The following C15orf39 variants were observed in gnomAD, a reference collection of about 807,000 sequenced individuals.
C15orf39 encodes uncharacterized protein C15orf39.
Under a neutral mutation model 53.9 loss-of-function variants are expected in C15orf39, and 24 were observed. The ratio of observed to expected loss-of-function variants is 0.45; its 90% CI spans 0.32 to 0.63. The LOEUF is 0.63. Among genes scored for constraint, C15orf39 ranks in the 20% least tolerant of loss-of-function variants. C15orf39 has a pLI of 0.04. For synonymous variants in C15orf39, 569 were observed against 576.5 expected (o/e 0.99, Z 0.19); for missense variants, 1,271 against 1,347.9 (o/e 0.94, Z 0.89).
chr15:75,208,875 A>C, intron 2 of C15orf39, 51 bp downstream of exon 2: 1 of 1,546,616 alleles, frequency 6.5e-7, no homozygotes. Context: ...AGCAAGTGAC[A>C]GGTGTGTGTG....
chr15:75,204,466 TTTTTCTTTTC>T lies in C15orf39; in HGVS notation c.-50-1518_-50-1509del, dbSNP rs537607946. Among the ~76,000 whole-genome samples, 7 of 152,262 alleles carry T rather than the reference TTTTTCTTTTC, an allele frequency of 4.6e-5. No individual in the cohort carries two copies. The South Asian group carries it at 8.3e-4, about 18-fold the overall frequency. On this transcript the variant is annotated intron_variant, in intron 1 of 2. Transcript: ENST00000394987. ...CCCCTGGGGCCTCCCTCCCTGGACTTTTTTCTTTTCTTTTCTTTTCTTTTTTTTTGTTTTG... is the reference window on the plus strand; with the variant it reads ...CCCCTGGGGCCTCCCTCCCTGGACTTTTTTCTTTTCTTTTTTTTTGTTTTG...
Position 75,207,936 on chromosome 15 carries a change from G to C in C15orf39, c.1888G>C (p.Gly630Arg). ...KIDTEAPGLP[G>R]VPVTTDAMPR... is the part of the protein sequence containing the mutation. ...AGACACAGAAGCACCAGGCTTGCCT[G>C]GGGTGCCAGTGACCACAGATGCCAT... is the stretch of plus-strand genomic sequence containing the variant. The change falls in exon 2 of 3, where the codon GGG becomes CGG. Residue 630 changes from glycine (G) to arginine (R), a missense_variant. Gly to Arg is a moderately radical substitution (Grantham distance 125). This residue lies in a region of C15orf39 where 994 missense variants were observed against 993.7 expected (regional missense o/e 1.00). Coordinates refer to ENST00000394987, the MANE Select transcript of C15orf39 (RefSeq NM_015492.5). The C allele has an allele frequency of 6.2e-7, 1 of 1,613,826 alleles. No individual in the cohort carries two copies. The highest frequency in any genetic ancestry group is 1.3e-5 in the African/African-American group (1 of 75,062).
At chr15:75,202,460 C>T (rs998061467) in intron 1 of C15orf39, 1 of 152,656 alleles carries the variant, frequency 6.6e-6, no homozygotes, top group Non-Finnish European at 1.5e-5. Context: ...AGGGCTGGGC[C>T]TGGGGGCGCC....
rs376232289 is a variant in C15orf39, at chr15:75,208,395, G to T, written c.2347G>T (p.Ala783Ser). 1 of 1,603,964 alleles carries T rather than the reference G, an allele frequency of 6.2e-7. No individual in the cohort carries two copies. ...SLCDAISGSV[A>S]HSPPEKLREW... is the part of the protein sequence containing the mutation. The stretch of plus-strand genomic sequence containing the variant: ...GTGTGATGCTATTTCTGGCTCCGTC[G>T]CCCACTCTCCTCCAGAGAAGCTTCG... The change falls in exon 2 of 3, where the codon GCC (alanine) becomes TCC (serine). Residue 783 changes from alanine to serine, a missense_variant. By Grantham distance (99) the Ala-to-Ser change is moderately conservative. Around this residue, in one of 2 missense-constraint regions of C15orf39, gnomAD observed 994 missense variants for 993.7 expected, o/e 1.00. Coordinates refer to ENST00000394987, the MANE Select transcript of C15orf39 (RefSeq NM_015492.5).
rs2070438856 is a variant in C15orf39, at chr15:75,206,426, A to ACTG, written c.379_381dup (p.Leu127dup). The ACTG allele has an allele frequency of 6.2e-7, 1 of 1,613,762 alleles. No individual in the cohort carries two copies. The highest frequency in any genetic ancestry group is 8.5e-7 in the Non-Finnish European group (1 of 1,179,902). ...AGGCTCACTCCTACCCAGGCCCACC[A>ACTG]CTGGCAGCACCCAAACCTGTCTACC... is the stretch of plus-strand genomic sequence containing the variant. On this transcript the variant is annotated inframe_insertion, in exon 2 of 3. Coordinates refer to ENST00000394987, the MANE Select transcript of C15orf39 (RefSeq NM_015492.5).
chr15:75,201,650 G>C (rs1027438446), upstream of C15orf39, among the ~76,000 whole-genome samples: 1 of 152,254 alleles, frequency 6.6e-6, no homozygotes, highest in Non-Finnish European at 1.5e-5. The surrounding 1 kb of genome is among the most constrained non-coding windows in gnomAD (Gnocchi z 4.7). Flanking sequence ...AACGATCTAA[G>C]GGAGCGACTG....
Position 75,208,557 on chromosome 15 carries a change from G to A in C15orf39, c.2509G>A (p.Val837Met). ...RTHRCPFPHV[V>M]RAGAIFVPIH... ...CCACCGGTGCCCCTTCCCCCATGTG[G>A]TGCGAGCTGGCGCCATCTTCGTGCC... Residue 837 changes from valine (V) to methionine (M), a missense_variant, in exon 2 of 3, where the codon GTG becomes ATG. Val to Met is a conservative substitution (Grantham distance 21). Around this residue, in one of 2 missense-constraint regions of C15orf39, gnomAD observed 277 missense variants for 354.1 expected, o/e 0.78. Coordinates refer to ENST00000394987, the MANE Select transcript of C15orf39 (RefSeq NM_015492.5). 2 of 1,572,884 alleles carry A rather than the reference G, an allele frequency of 1.3e-6. No homozygotes were observed. Among genetic ancestry groups the A allele is most frequent in the Non-Finnish European group, 1.7e-6 (2 of 1,160,054 alleles).
In C15orf39 at chr15:75,203,114, C is replaced by T. The variant is rs77561382; in HGVS notation, c.-51+1055C>T. ...CTCGGCGAGGCCCGATCCAGCCCTC[C>T]GGGAGAATCCAGATGCTGGCCACAA... is the stretch of plus-strand genomic sequence containing the variant. On this transcript the variant is annotated intron_variant, in intron 1 of 2. Coordinates refer to ENST00000394987, the MANE Select transcript of C15orf39 (RefSeq NM_015492.5). Among the ~76,000 whole-genome samples the T allele has an allele frequency of 4.1e-3, 619 of 152,354 alleles. 3 individuals are homozygous for T. The highest frequency in any genetic ancestry group is 0.027 in the Middle Eastern group (8 of 294).
Position 75,207,538 on chromosome 15 carries a change from C to G in C15orf39, c.1490C>G (p.Ser497Cys), listed in dbSNP as rs1442860124. 6.2e-7 allele frequency: 1 copy of G among 1,613,606 alleles called. No homozygotes were observed. The highest frequency in any genetic ancestry group is 8.5e-7 in the Non-Finnish European group (1 of 1,179,996). Residue 497 changes from serine (S) to cysteine (C), a missense_variant, in exon 2 of 3, where the codon TCT becomes TGT. Ser to Cys is a moderately radical substitution (Grantham distance 112). This residue lies in a region of C15orf39 where 994 missense variants were observed against 993.7 expected (regional missense o/e 1.00). Transcript: ENST00000394987. The part of the protein sequence containing the change: ...PQKEGARPPS[S>C]PPMPVIDNVF... ...AAGGAGGGCGCAAGGCCACCCAGCT[C>G]TCCACCAATGCCTGTCATTGACAAT...
In C15orf39 at chr15:75,206,364, G is replaced by T. The variant is rs771283251; in HGVS notation, c.316G>T (p.Asp106Tyr). Reference sequence around the variant, plus strand: ...AGCAGAAGGCCCTGAGAAGATGCAGGACTCCAGCCCTGTTGAGCTCCTGCC... The same window carrying T: ...AGCAGAAGGCCCTGAGAAGATGCAGTACTCCAGCCCTGTTGAGCTCCTGCC... ...SPAEGPEKMQ[D>Y]SSPVELLPFS... Residue 106 changes from aspartate to tyrosine, a missense_variant, in exon 2 of 3, where the codon GAC (aspartate) becomes TAC (tyrosine). By Grantham distance (160) the Asp-to-Tyr change is radical. Around this residue, in one of 2 missense-constraint regions of C15orf39, gnomAD observed 994 missense variants for 993.7 expected, o/e 1.00. Transcript: ENST00000394987. The T allele has an allele frequency of 6.2e-7, 1 of 1,614,022 alleles. No individual in the cohort carries two copies. The highest frequency in any genetic ancestry group is 2.2e-5 in the East Asian group (1 of 44,880).
At chr15:75,209,575 CG>C (rs1555422925) in intron 2 of C15orf39, 1 of 152,222 alleles carries the variant, frequency 6.6e-6, no homozygotes, top group Non-Finnish European at 1.5e-5. Flanking sequence ...ACACAACTGC[CG>C]AAGTGTTGTG....
chr15:75,202,412 G>C (rs1567136188), intron 1 of C15orf39: 2 of 152,438 alleles, frequency 1.3e-5, no homozygotes, highest in Admixed American at 6.5e-5. Context: ...GCTGGGGGAT[G>C]GCGTTGAGGA....
upstream of C15orf39, among the ~76,000 whole-genome samples, chr15:75,199,999 C>G (rs1156901993): frequency 2.6e-5 from 4 of 152,170 alleles, no homozygotes; most frequent in Admixed American, 6.5e-5. Context: ...ATGGCAAGGT[C>G]AGAGCCTTCA....
rs569884649 is a variant in C15orf39 at position 75,201,908 on chromosome 15, G to A, written c.-202G>A. The A allele has an allele frequency of 1.1e-4, 17 of 151,674 alleles. No homozygotes were observed. Among genetic ancestry groups the A allele is most frequent in the South Asian group, 2.1e-4 (1 of 4,796 alleles). 9.4% of individuals were successfully genotyped at this position (151,674 alleles called of 1,614,324 possible). On this transcript the variant is annotated 5_prime_UTR_variant, in exon 1 of 3. Coordinates refer to ENST00000394987, the MANE Select transcript of C15orf39 (RefSeq NM_015492.5). The surrounding 1 kb of genome is among the most constrained non-coding windows in gnomAD (Gnocchi z 4.7). ...GACGGCGCCCAGCGGCGGCGCGAACGGCAGCTAGGAGGGTTGCTCCGGGCT... is the reference window on the plus strand; with the variant it reads ...GACGGCGCCCAGCGGCGGCGCGAACAGCAGCTAGGAGGGTTGCTCCGGGCT...
At chr15:75,209,027 T>C in intron 2 of C15orf39, 2 of 886,582 alleles carry the variant, frequency 2.3e-6, no homozygotes, top group South Asian at 1.9e-5. Context: ...TTTTGTAGGC[T>C]TCTGAACATG....
At position 75,207,172 on chromosome 15, in the gene C15orf39, C is replaced by T. The variant is rs746853077; in HGVS notation, c.1124C>T (p.Thr375Ile). Residue 375 changes from threonine to isoleucine, a missense_variant, in exon 2 of 3, where the codon ACA becomes ATA. Physicochemically the swap from Thr to Ile is moderately conservative, Grantham distance 89. Around this residue, in one of 2 missense-constraint regions of C15orf39, gnomAD observed 994 missense variants for 993.7 expected, o/e 1.00. Coordinates refer to ENST00000394987, the MANE Select transcript of C15orf39 (RefSeq NM_015492.5). ...TGCCCATTGGACTTTGCCCCCCAGA[C>T]ACTGAGTTTTCCTTATGCCCGGGAT... ...PRCPLDFAPQ[T>I]LSFPYARDDL... 5 of 1,613,952 alleles carry T rather than the reference C, an allele frequency of 3.1e-6. No individual in the cohort carries two copies. In the South Asian group the frequency reaches 5.5e-5, roughly 18 times the overall value.
At chr15:75,208,927 A>T (rs1002173676) in intron 2 of C15orf39, 103 bp downstream of exon 2, 10 of 1,467,540 alleles carry the variant, frequency 6.8e-6, no homozygotes, top group Non-Finnish European at 9.0e-6. Context: ...GATTCCAAGG[A>T]CTCCTGCCCG....
chr15:75,205,043 T>G (rs1184297690), intron 1 of C15orf39, among the ~76,000 whole-genome samples: 3 of 152,188 alleles, frequency 2.0e-5, no homozygotes, highest in Non-Finnish European at 2.9e-5. Flanking sequence ...CAGTTACCTC[T>G]CCTAGGGGAC....
At chr15:75,204,132 C>T (rs60691794) in intron 1 of C15orf39, among the ~76,000 whole-genome samples, 1,811 of 152,334 alleles carry the variant, frequency 0.012, 41 homozygotes, top group African/African-American at 0.042. Context: ...AAGGAGAGGG[C>T]TGGTCCTTGC....
Sources: allele counts gnomAD v4.1 joint callset (sites outside exome capture counted in the v4.1 genomes callset), GRCh38; gene constraint gnomAD v4.1.1; regional missense constraint gnomAD v4.1.1; non-coding constraint Gnocchi (gnomAD v3.1); transcripts MANE v1.5; gene names NCBI Gene and HGNC (gene_info 2026-07-23, HGNC 2026-07-21).